Variants in ZPBP observed in about 807,000 individuals in gnomAD.
The protein encoded by ZPBP is zona pellucida binding protein.
ZPBP carries 26 observed loss-of-function variants against 44.8 expected under a neutral mutation model. The observed-to-expected ratio is 0.58, with a 90% CI of 0.43 to 0.81. The LOEUF (loss-of-function observed/expected upper bound fraction) is 0.81, where lower values mean the gene tolerates loss of function less well. Ranked by LOEUF, ZPBP falls within the 30% of genes least tolerant of loss-of-function variation. The pLI is 0.00. For missense variants in ZPBP, 409 were observed against 434.0 expected (o/e 0.94, Z 0.51); for synonymous variants, 174 against 153.2 (o/e 1.14, Z -1.00).
At chr7:50,036,118 G>C (rs1189082876) in intron 4 of ZPBP, among the ~76,000 whole-genome samples, 1 of 152,192 alleles carries the variant, frequency 6.6e-6, no homozygotes, top group Non-Finnish European at 1.5e-5. Context: ...ACAAGCTAAA[G>C]GTTTTGAATG....
At chr7:49,967,410 C>T (rs956200536) in intron 7 of ZPBP, among the ~76,000 whole-genome samples, 14 of 152,098 alleles carry the variant, frequency 9.2e-5, no homozygotes, top group East Asian at 1.9e-4. Flanking sequence ...CAAAATGCAT[C>T]GTACCTAGAG....
intron 4 of ZPBP, among the ~76,000 whole-genome samples, chr7:50,045,446 G>C (rs1446732686): frequency 2.0e-5 from 3 of 152,136 alleles, no homozygotes; most frequent in Admixed American, 2.0e-4. Flanking sequence ...AGCAACTTCA[G>C]CAAAGTCTCA....
rs191699626 is a variant in ZPBP at position 49,954,400 on chromosome 7, T to C, written c.962-16778A>G. The stretch of plus-strand genomic sequence containing the variant: ...TTTCATACAGCAACAAATGCTTAGA[T>C]CTGACACCAAAAACAAGGGTAACAA... On this transcript the variant is annotated intron_variant, in intron 7 of 7. Transcript: ENST00000046087. 1.8e-4 allele frequency among the ~76,000 whole-genome samples: 27 copies of C among 152,294 alleles called. No homozygotes were observed. In the East Asian group the frequency reaches 4.4e-3, roughly 25 times the overall value.
Position 49,961,198 on chromosome 7 carries a change from TG to T in ZPBP, c.961+22143del, listed in dbSNP as rs1795849674. The stretch of plus-strand genomic sequence containing the variant: ...AGCTTTATTTGTAATGGCCTAAAAC[TG>T]GAAATAACCCAAATGTCCATCATCA... On this transcript the variant is annotated intron_variant, in intron 7 of 7. Coordinates refer to ENST00000046087, the MANE Select transcript of ZPBP (RefSeq NM_007009.3). Among the ~76,000 whole-genome samples the T allele has an allele frequency of 2.0e-5, 3 of 152,270 alleles. No individual in the cohort carries two copies. The South Asian group carries it at 6.2e-4, about 32-fold the overall frequency.
intron 6 of ZPBP, among the ~76,000 whole-genome samples, chr7:49,984,834 T>G (rs1749904159): frequency 6.6e-6 from 1 of 152,310 alleles, no homozygotes; most frequent in Middle Eastern, 3.4e-3. Context: ...TCTCATTTTA[T>G]ATATATGCAA....
At chr7:49,994,659 T>C (rs1584003122) in intron 6 of ZPBP, among the ~76,000 whole-genome samples, 1 of 152,198 alleles carries the variant, frequency 6.6e-6, no homozygotes, top group African/African-American at 2.4e-5. Context: ...CTGGCAGATG[T>C]CAGGGCCTTC....
intron 4 of ZPBP, among the ~76,000 whole-genome samples, chr7:50,036,114 T>C (rs1260142201): frequency 6.6e-6 from 1 of 152,192 alleles, no homozygotes; most frequent in Non-Finnish European, 1.5e-5. Context: ...AAAGACAAGC[T>C]AAAGGTTTTG....
chr7:50,026,556 G>A (rs185226202), intron 5 of ZPBP, among the ~76,000 whole-genome samples: 1 of 151,984 alleles, frequency 6.6e-6, no homozygotes, highest in East Asian at 1.9e-4. Context: ...ATAAGAAGAT[G>A]AAAATGATAT....
downstream of ZPBP, among the ~76,000 whole-genome samples, chr7:49,933,907 TGGGGGGA>T (rs1466431431): frequency 3.1e-5 from 1 of 31,910 alleles, no homozygotes; most frequent in Non-Finnish European, 6.1e-5. Context: ...TGTTGTGGGC[TGGGGGGA>T]GGGGGGAGGG....
Position 50,028,027 on chromosome 7 carries a change from A to G in ZPBP, c.706+3065T>C, listed in dbSNP as rs141732271. Among the ~76,000 whole-genome samples, 11 of 152,186 alleles carry G rather than the reference A, an allele frequency of 7.2e-5. No homozygotes were observed. In the East Asian group the frequency reaches 2.1e-3, roughly 29 times the overall value. On this transcript the variant is annotated intron_variant, in intron 5 of 7. Transcript: ENST00000046087. ...TCATCTCACTTTCTTCCAAAAGAAT[A>G]GAAGAGGAGGTAACACTTCCAAACT...
chr7:50,083,976 C>T (rs979419074), intron 2 of ZPBP, among the ~76,000 whole-genome samples: 1 of 151,926 alleles, frequency 6.6e-6, no homozygotes, highest in Non-Finnish European at 1.5e-5. Flanking sequence ...GTAACACTTT[C>T]TGTTTGATCC....
chr7:50,038,853 G>C (rs777194511), intron 4 of ZPBP, among the ~76,000 whole-genome samples: 9 of 152,176 alleles, frequency 5.9e-5, no homozygotes, highest in Non-Finnish European at 1.3e-4. Flanking sequence ...TAGGTTTGTA[G>C]CCTAGGAGGA....
the ZPBP span, among the ~76,000 whole-genome samples, chr7:49,845,104 G>A: frequency 6.6e-6 from 1 of 152,114 alleles, no homozygotes; most frequent in African/African-American, 2.4e-5. Flanking sequence ...CACATGGGCG[G>A]GAACAACACA....
At chr7:50,008,045 A>C (rs1798392692) in intron 6 of ZPBP, among the ~76,000 whole-genome samples, 1 of 152,016 alleles carries the variant, frequency 6.6e-6, no homozygotes, top group Non-Finnish European at 1.5e-5. Flanking sequence ...AAATGAAATA[A>C]AATAAATCCA....
intron 4 of ZPBP, among the ~76,000 whole-genome samples, chr7:50,033,506 G>C (rs1449462015): frequency 6.6e-6 from 1 of 151,956 alleles, no homozygotes; most frequent in Non-Finnish European, 1.5e-5. Context: ...TAAATATTTT[G>C]GGGACTTCAA....
chr7:49,933,819 G>GT (rs975965379), downstream of ZPBP, among the ~76,000 whole-genome samples: 1 of 148,092 alleles, frequency 6.8e-6, no homozygotes, highest in Non-Finnish European at 1.5e-5. Context: ...ACCAAACACT[G>GT]TATGTTCTCA....
At chr7:49,910,301 G>T (rs1793339936) in intron 1 of ZPBP, among the ~76,000 whole-genome samples, 1 of 152,146 alleles carries the variant, frequency 6.6e-6, no homozygotes, top group Admixed American at 6.5e-5. Context: ...TTGTTATTCT[G>T]GAGTTTGCTG....
intron 1 of ZPBP, among the ~76,000 whole-genome samples, chr7:50,090,593 GC>G (rs1420515781): frequency 7.6e-5 from 11 of 145,478 alleles, no homozygotes; most frequent in Non-Finnish European, 1.5e-5. Context: ...GTATATATAT[GC>G]GTATATATGC....
At chr7:49,962,326 T>C (rs1025993956) in intron 7 of ZPBP, among the ~76,000 whole-genome samples, 1 of 151,896 alleles carries the variant, frequency 6.6e-6, no homozygotes, top group African/African-American at 2.4e-5. Context: ...GGGGAGTTTA[T>C]GTAAGGTTGC....
Sources: gnomAD v4.1 joint callset for allele counts (sites outside exome capture counted in the v4.1 genomes callset) on GRCh38, gnomAD v4.1.1 for gene constraint, MANE v1.5 for transcripts, NCBI Gene and HGNC (gene_info 2026-07-23, HGNC 2026-07-21) for gene names.